The following GUCY1A2 variants were observed in gnomAD, a reference collection of about 807,000 sequenced individuals.
The protein encoded by GUCY1A2 is guanylate cyclase 1 soluble subunit alpha 2, also known as guanylate cyclase soluble subunit alpha-2.
A neutral mutation model predicts 63.5 loss-of-function variants in GUCY1A2; 27 were observed. The ratio of observed to expected loss-of-function variants is 0.43; its 90% CI spans 0.31 to 0.59. The LOEUF (loss-of-function observed/expected upper bound fraction) is 0.59. Ranked by LOEUF, GUCY1A2 falls within the 20% of genes least tolerant of loss-of-function variation. The pLI, the probability that GUCY1A2 is intolerant of heterozygous loss-of-function variation, is 0.11. For missense variants in GUCY1A2, 768 were observed against 913.3 expected (o/e 0.84, Z 2.05); for synonymous variants, 364 against 343.5 (o/e 1.06, Z -0.66).
chr11:106,981,440 C>T lies in GUCY1A2; in HGVS notation c.366-2700G>A, dbSNP rs1591353177. On this transcript the variant is annotated intron_variant, in intron 2 of 7. Transcript: ENST00000526355. ...AGACTAATATGAGTTTGGCAACAGT[C>T]CTATCCATGATATTAACACAGCAAT... 5.3e-5 allele frequency among the ~76,000 whole-genome samples: 8 copies of T among 150,510 alleles called. No homozygotes were observed. The South Asian group carries it at 1.3e-3, about 24-fold the overall frequency.
intron 6 of GUCY1A2, among the ~76,000 whole-genome samples, chr11:106,753,486 T>C (rs986894482): frequency 6.6e-6 from 1 of 152,244 alleles, no homozygotes; most frequent in Non-Finnish European, 1.5e-5. Context: ...TCTAGGGTTT[T>C]TATGGTTTTA....
At chr11:106,775,001 G>T (rs2135401335) in intron 6 of GUCY1A2, among the ~76,000 whole-genome samples, 1 of 152,198 alleles carries the variant, frequency 6.6e-6, no homozygotes, top group African/African-American at 2.4e-5. Context: ...TTTGATATCT[G>T]AAAACATCCC....
chr11:107,002,427 C>T (rs1861623153), intron 1 of GUCY1A2, among the ~76,000 whole-genome samples: 2 of 149,916 alleles, frequency 1.3e-5, no homozygotes, highest in Admixed American at 6.7e-5. Flanking sequence ...ATACACAACT[C>T]GCATAAATAT....
chr11:106,879,622 GAA>G (rs1859796902), intron 4 of GUCY1A2, among the ~76,000 whole-genome samples: 1 of 152,056 alleles, frequency 6.6e-6, no homozygotes, highest in African/African-American at 2.4e-5. Context: ...GTTCCAGTGA[GAA>G]AGAGATGGGC....
chr11:106,971,219 A>ATGTGTGTGTG (rs67190015), intron 3 of GUCY1A2, among the ~76,000 whole-genome samples: 2,654 of 149,256 alleles, frequency 0.018, 71 homozygotes, highest in African/African-American at 0.062. Flanking sequence ...ACAAATTTAA[A>ATGTGTGTGTG]TGTGTGTGTG....
chr11:106,867,643 T>C (rs12577306), intron 4 of GUCY1A2, among the ~76,000 whole-genome samples: 5,803 of 152,198 alleles, frequency 0.038, 579 homozygotes, highest in East Asian at 0.25. Context: ...GCATGAATGC[T>C]AAGGACCATT....
At chr11:106,999,701 G>T (rs550991509) in intron 1 of GUCY1A2, among the ~76,000 whole-genome samples, 99 of 152,170 alleles carry the variant, frequency 6.5e-4, no homozygotes, top group African/African-American at 2.2e-3. Flanking sequence ...GTTTCTTGGG[G>T]TAACTTGTAG....
intron 6 of GUCY1A2, among the ~76,000 whole-genome samples, chr11:106,716,064 G>T (rs950749736): frequency 6.6e-6 from 1 of 152,172 alleles, no homozygotes; most frequent in East Asian, 1.9e-4. Context: ...AGTCAGAGGG[G>T]TGGGAGGAGA....
At chr11:107,011,141 C>G (rs1260836292) in intron 1 of GUCY1A2, among the ~76,000 whole-genome samples, 1 of 152,206 alleles carries the variant, frequency 6.6e-6, no homozygotes. Flanking sequence ...ATGCATCGAA[C>G]AAAGGGCCTG....
rs112773315 is a variant in GUCY1A2, at chr11:106,808,654, A to C, written c.1692+1339T>G. ...AACAAAACAAAACAAAACAAAAAAA[A>C]CATGACTGCTTTAACTGGAGGAAGC... is the stretch of plus-strand genomic sequence containing the variant. On this transcript the variant is annotated intron_variant, in intron 5 of 7. Transcript: ENST00000526355. 3.8e-4 allele frequency among the ~76,000 whole-genome samples: 57 copies of C among 151,934 alleles called. No homozygotes were observed. In the Middle Eastern group the frequency reaches 0.01, roughly 27 times the overall value.
intron 4 of GUCY1A2, among the ~76,000 whole-genome samples, chr11:106,919,982 G>A (rs77763846): frequency 0.031 from 4,735 of 152,076 alleles, 236 homozygotes; most frequent in African/African-American, 0.11. Context: ...ATTGAGATGC[G>A]CTAAACCACA....
chr11:106,856,886 G>C (rs1408270826), intron 4 of GUCY1A2, among the ~76,000 whole-genome samples: 1 of 152,150 alleles, frequency 6.6e-6, no homozygotes, highest in Non-Finnish European at 1.5e-5. Flanking sequence ...ACATCATCTG[G>C]ACATTCTTTT....
intron 6 of GUCY1A2, chr11:106,746,677 A>T: frequency 8.2e-7 from 1 of 1,225,396 alleles, no homozygotes; most frequent in Non-Finnish European, 1.2e-6. Flanking sequence ...CAAGTGAATC[A>T]AGGGACAAAA....
chr11:106,786,218 CAAACAA>C (rs919377994), intron 5 of GUCY1A2, among the ~76,000 whole-genome samples: 21 of 152,102 alleles, frequency 1.4e-4, no homozygotes, highest in Admixed American at 3.3e-4. Context: ...GACAAGGCTA[CAAACAA>C]AAACAAAAAC....
intron 3 of GUCY1A2, among the ~76,000 whole-genome samples, chr11:106,944,980 G>C (rs1860806496): frequency 6.6e-6 from 1 of 151,852 alleles, no homozygotes; most frequent in South Asian, 2.1e-4. Context: ...TGTAGAATGA[G>C]AAAAAAGAAA....
At chr11:106,873,414 C>A (rs1313506496) in intron 4 of GUCY1A2, among the ~76,000 whole-genome samples, 1 of 152,162 alleles carries the variant, frequency 6.6e-6, no homozygotes, top group Non-Finnish European at 1.5e-5. Flanking sequence ...TATTTCTCCA[C>A]AGCCTCACCA....
At chr11:106,746,831 T>A (rs935442404) in intron 6 of GUCY1A2, among the ~76,000 whole-genome samples, 1 of 152,006 alleles carries the variant, frequency 6.6e-6, no homozygotes, top group Non-Finnish European at 1.5e-5. Flanking sequence ...TTTGAAGGGA[T>A]GAGAGAATAT....
intron 4 of GUCY1A2, among the ~76,000 whole-genome samples, chr11:106,920,826 T>G (rs971617655): frequency 1.3e-5 from 2 of 152,082 alleles, no homozygotes; most frequent in African/African-American, 4.8e-5. Flanking sequence ...AATCTATACT[T>G]CACGGGTTTC....
rs546144095 is a variant in GUCY1A2, at chr11:106,869,372, G to T, written c.1207-58894C>A. On this transcript the variant is annotated intron_variant, in intron 4 of 7. Coordinates refer to ENST00000526355, the MANE Select transcript of GUCY1A2 (RefSeq NM_000855.3). ...GCAATCTGCTCATCTGACAAAGGGCGAATATCCAGAATCTACAAAGTACTC... is the reference window on the plus strand; with the variant it reads ...GCAATCTGCTCATCTGACAAAGGGCTAATATCCAGAATCTACAAAGTACTC... Among the ~76,000 whole-genome samples the T allele has an allele frequency of 3.4e-3, 522 of 151,960 alleles. 2 individuals are homozygous for T. Among genetic ancestry groups the T allele is most frequent in the African/African-American group, 0.011 (474 of 41,466 alleles).
Sources: gnomAD v4.1 joint callset for allele counts (sites outside exome capture counted in the v4.1 genomes callset) on GRCh38, gnomAD v4.1.1 for gene constraint, MANE v1.5 for transcripts, NCBI Gene and HGNC (gene_info 2026-07-23, HGNC 2026-07-21) for gene names.